The following VPS8 variants were observed in gnomAD, a reference collection of about 807,000 sequenced individuals.
VPS8 encodes VPS8 subunit of CORVET complex, also known as vacuolar protein sorting-associated protein 8 homolog.
A neutral mutation model predicts 216.4 loss-of-function variants in VPS8; 129 were observed. The ratio of observed to expected loss-of-function variants is 0.60; its 90% confidence interval spans 0.52 to 0.69. The LOEUF is 0.69. VPS8 is among the 30% of genes least tolerant of loss of function. The pLI, the probability that VPS8 is intolerant of heterozygous loss-of-function variation, is 0.00. For missense variants in VPS8, 1,531 were observed against 1,683.5 expected, an observed-to-expected ratio of 0.91 and a Z score of 1.59; for synonymous variants, 571 against 565.4, an observed-to-expected ratio of 1.01 and a Z score of -0.14.
chr3:184,957,229 C>A, intron 36 of VPS8, 145 bp from the exon 37 acceptor site: 1 of 831,216 alleles, frequency 1.2e-6, no homozygotes, highest in Non-Finnish European at 1.8e-6. Context: ...ACCTAAATAA[C>A]ATTGAGACTT....
intron 45 of VPS8, among the ~76,000 whole-genome samples, chr3:185,018,590 C>T (rs1010469278): frequency 2.6e-5 from 4 of 152,210 alleles, no homozygotes; most frequent in African/African-American, 7.2e-5. Context: ...GTTAGACAAG[C>T]TCGAATAAGA....
chr3:184,833,403 G>A (rs138174721), intron 4 of VPS8, among the ~76,000 whole-genome samples: 2 of 152,196 alleles, frequency 1.3e-5, no homozygotes, highest in East Asian at 3.9e-4. Flanking sequence ...AAAGTGATCT[G>A]TTTTTCTTCT....
chr3:184,829,242 C>T (rs1302811506), intron 3 of VPS8, among the ~76,000 whole-genome samples: 1 of 152,096 alleles, frequency 6.6e-6, no homozygotes, highest in Non-Finnish European at 1.5e-5. Context: ...AGACAAGAGT[C>T]TCACTCTATC....
intron 40 of VPS8, among the ~76,000 whole-genome samples, chr3:184,981,428 CTTTTT>C (rs67454758): frequency 1.5e-5 from 1 of 68,522 alleles, no homozygotes; most frequent in Non-Finnish European, 3.0e-5. Flanking sequence ...GCAGTGGGTT[CTTTTT>C]TTTTTTTTTT....
intron 11 of VPS8, among the ~76,000 whole-genome samples, chr3:184,852,997 T>G (rs1205128998): frequency 6.6e-6 from 1 of 152,006 alleles, no homozygotes; most frequent in Non-Finnish European, 1.5e-5. Context: ...GGAAGCAGAG[T>G]TTTTTGAAAA....
intron 45 of VPS8, among the ~76,000 whole-genome samples, chr3:185,002,500 T>C (rs1023647111): frequency 1.3e-5 from 2 of 152,190 alleles, no homozygotes; most frequent in East Asian, 3.8e-4. Flanking sequence ...TTTGATTACT[T>C]GGAAAAGTTA....
intron 15 of VPS8, 63 bp downstream of exon 15, chr3:184,860,128 T>G: frequency 7.6e-7 from 1 of 1,317,952 alleles, no homozygotes; most frequent in South Asian, 1.2e-5. Context: ...ATCTATGATA[T>G]ATTAAAGCTA....
chr3:184,934,227 G>T (rs1438940289), intron 34 of VPS8, among the ~76,000 whole-genome samples: 1 of 152,026 alleles, frequency 6.6e-6, no homozygotes, highest in Non-Finnish European at 1.5e-5. Context: ...CTGGAGTATA[G>T]TGGCACCATC....
At chr3:184,959,163 ATTC>A (rs1746087089) in intron 37 of VPS8, among the ~76,000 whole-genome samples, 1 of 152,236 alleles carries the variant, frequency 6.6e-6, no homozygotes, top group East Asian at 1.9e-4. Context: ...AGGAAGTGAC[ATTC>A]TTTACTTACT....
intron 45 of VPS8, among the ~76,000 whole-genome samples, chr3:185,015,005 C>G (rs867137063): frequency 6.6e-6 from 1 of 152,184 alleles, no homozygotes; most frequent in African/African-American, 2.4e-5. Flanking sequence ...GTCTCCCAAA[C>G]GAGGGAACAT....
intron 36 of VPS8, among the ~76,000 whole-genome samples, chr3:184,954,979 G>A (rs148372460): frequency 2.8e-4 from 42 of 152,242 alleles, no homozygotes; most frequent in African/African-American, 9.1e-4. Context: ...GATATTGTGA[G>A]AAGTGACCTA....
rs572810192 is a variant in VPS8 at position 184,976,679 on chromosome 3, A to G, written c.3420+4927A>G. Among the ~76,000 whole-genome samples the G allele has an allele frequency of 3.9e-5, 6 of 152,168 alleles. No homozygotes were observed. The East Asian group carries it at 1.2e-3, about 29-fold the overall frequency. ...TCTCATTTTTATGACCATATGCCCA[A>G]TGATTAGCTCTCACTTATAAATGAG... On this transcript the variant is annotated intron_variant, in intron 40 of 47. Coordinates refer to ENST00000625842, the MANE Select transcript of VPS8 (RefSeq NM_001009921.3).
At chr3:185,006,238 T>C (rs1216157785) in intron 45 of VPS8, among the ~76,000 whole-genome samples, 1 of 152,262 alleles carries the variant, frequency 6.6e-6, no homozygotes, top group Non-Finnish European at 1.5e-5. Context: ...GGTTAGGTAA[T>C]ATAAGAAGGA....
At chr3:184,993,081 A>G (rs1291024711) in intron 42 of VPS8, among the ~76,000 whole-genome samples, 2 of 152,180 alleles carry the variant, frequency 1.3e-5, no homozygotes, top group Non-Finnish European at 2.9e-5. Flanking sequence ...ATTAAGAAAT[A>G]CTTGTAATGT....
At position 184,869,676 on chromosome 3, in the gene VPS8, G is replaced by T; in HGVS notation, c.1644+148G>T. 1.1e-5 allele frequency: 8 copies of T among 741,376 alleles called. No homozygotes were observed. The South Asian group carries it at 1.2e-4, about 11-fold the overall frequency. 45.9% of individuals were successfully genotyped at this position (741,376 alleles called of 1,614,324 possible). On this transcript the variant is annotated intron_variant, in intron 20 of 47. Coordinates refer to ENST00000625842, the MANE Select transcript of VPS8 (RefSeq NM_001009921.3). ...ACACACACACAGACACACACTTGGG[G>T]TCAGGGGTTCAAGACTAGCATGGGC...
chr3:185,025,735 G>A (rs147656949), intron 46 of VPS8, among the ~76,000 whole-genome samples: 2 of 152,290 alleles, frequency 1.3e-5, no homozygotes, highest in Non-Finnish European at 1.5e-5. Flanking sequence ...TGGAAATCCA[G>A]AGGGATTCCA....
At chr3:184,839,625 A>G in intron 6 of VPS8, 73 bp from the exon 7 acceptor site, 9 of 1,467,168 alleles carry the variant, frequency 6.1e-6, no homozygotes, top group Non-Finnish European at 8.3e-6. Flanking sequence ...AGGCAGGCCA[A>G]CAAATTCAAC....
chr3:184,893,188 T>G, intron 22 of VPS8: 2 of 1,101,602 alleles, frequency 1.8e-6, no homozygotes, highest in Non-Finnish European at 2.3e-6. Flanking sequence ...GGTGTGGAGT[T>G]CTGGTGCAGT....
chr3:184,934,660 T>C (rs1251256370), intron 34 of VPS8, among the ~76,000 whole-genome samples: 2 of 152,238 alleles, frequency 1.3e-5, no homozygotes, highest in African/African-American at 2.4e-5. Flanking sequence ...TTCTTCCTTA[T>C]TCTGTTTTTG....
Sources: gnomAD v4.1 joint callset for allele counts (sites outside exome capture counted in the v4.1 genomes callset) on GRCh38, gnomAD v4.1.1 for gene constraint, MANE v1.5 for transcripts, NCBI Gene and HGNC (gene_info 2026-07-23, HGNC 2026-07-21) for gene names.